Variants in DAPK3 observed in about 807,000 individuals in gnomAD.
DAPK3 encodes the protein death-associated protein kinase 3.
Under a neutral mutation model 30.6 loss-of-function variants are expected in DAPK3, and 24 were observed. The observed-to-expected ratio is 0.78, with a 90% CI of 0.57 to 1.10. DAPK3 has a LOEUF of 1.10. DAPK3 is among the 50% of genes least tolerant of loss of function. The pLI is 0.00. For synonymous variants in DAPK3, 341 were observed against 284.0 expected (o/e 1.20, Z -2.02); for missense variants, 629 against 657.3 (o/e 0.96, Z 0.47).
chr19:3,963,585 G>A, intron 6 of DAPK3, 58 bp downstream of exon 6: 1 of 1,172,146 alleles, frequency 8.5e-7, no homozygotes, highest in East Asian at 2.6e-5. Flanking sequence ...GACACACGGA[G>A]CCGGGGACCC....
At position 3,959,509 on chromosome 19, in the gene DAPK3, G is replaced by A. The variant is rs568467540; in HGVS notation, c.957C>T (p.Tyr319=). ...SHSSLPPNNS[Y]ADFERFSKVL... is the part of the protein sequence containing the mutation. ...CCTTGGAGAAGCGCTCGAAGTCGGC[G>A]TAGCTGTTGTTGGGCGGCAAGCTGG... The change falls in exon 9 of 9, where the codon TAC becomes TAT. Residue 319 remains tyrosine, a synonymous_variant. Transcript: ENST00000545797. The A allele has an allele frequency of 8.9e-6, 14 of 1,564,760 alleles. 1 individual carries two copies. In the South Asian group the frequency reaches 1.4e-4, roughly 16 times the overall value.
chr19:3,967,327 C>G (rs989842507), intron 2 of DAPK3, among the ~76,000 whole-genome samples: 1 of 152,120 alleles, frequency 6.6e-6, no homozygotes, highest in African/African-American at 2.4e-5. Flanking sequence ...TGGCAGGCAT[C>G]TATAATCCCA....
At chr19:3,967,428 G>A (rs778669993) in intron 2 of DAPK3, among the ~76,000 whole-genome samples, 47 of 150,748 alleles carry the variant, frequency 3.1e-4, no homozygotes, top group Admixed American at 2.8e-3. Flanking sequence ...ACTCCAGCCC[G>A]GGCGACACTG....
At chr19:3,961,268 A>C in intron 6 of DAPK3, 107 bp from the exon 7 acceptor site, 2 of 919,958 alleles carry the variant, frequency 2.2e-6, no homozygotes, top group East Asian at 2.5e-5. Context: ...GGCTGACGGC[A>C]GGTGCCTGGG....
intron 6 of DAPK3, chr19:3,961,763 G>A: frequency 3.1e-6 from 1 of 323,960 alleles, no homozygotes; most frequent in Admixed American, 3.8e-5. Context: ...CCTCAGACTG[G>A]AGGCGGCGAA....
chr19:3,962,595 G>T (rs2039529350), intron 6 of DAPK3, among the ~76,000 whole-genome samples: 1 of 152,130 alleles, frequency 6.6e-6, no homozygotes, highest in South Asian at 2.1e-4. Context: ...GACCGAAATG[G>T]TGAAACATCG....
At position 3,961,102 on chromosome 19, in the gene DAPK3, G is replaced by C; in HGVS notation, c.689C>G (p.Ser230Ter). 3 of 1,613,662 alleles carry C rather than the reference G, an allele frequency of 1.9e-6. No homozygotes were observed. The highest frequency in any genetic ancestry group is 2.5e-6 in the Non-Finnish European group (3 of 1,179,846). ...CTCGTCGAAGTCGTAGTTCACGGCTGAGATGTTGGTGAGCGTCTCCTGCTT... is the reference window on the plus strand; with the variant it reads ...CTCGTCGAAGTCGTAGTTCACGGCTCAGATGTTGGTGAGCGTCTCCTGCTT... ...ETKQETLTNI[S>*]AVNYDFDEEY... The change falls in exon 7 of 9, where the codon TCA (serine) becomes TGA (stop). Residue 230 changes from serine to a stop codon, truncating the protein, a stop_gained. Transcript: ENST00000545797. LOFTEE classifies it high-confidence loss of function.
Position 3,959,411 on chromosome 19 carries a change from T to C in DAPK3, c.1055A>G (p.Asp352Gly). 1 of 1,561,636 alleles carries C rather than the reference T, an allele frequency of 6.4e-7. No individual in the cohort carries two copies. The highest frequency in any genetic ancestry group is 8.6e-7 in the Non-Finnish European group (1 of 1,160,910). The change falls in exon 9 of 9, where the codon GAC (aspartate) becomes GGC (glycine). Residue 352 changes from aspartate (D) to glycine (G), a missense_variant. Asp to Gly is a moderately conservative substitution (Grantham distance 94). This residue lies in a region of DAPK3 where 323 missense variants were observed against 278.8 expected (regional missense o/e 1.16). Transcript: ENST00000545797. Reference sequence around the variant, plus strand: ...GTAGATGGCGGCCAGCGCCTCCACGTCCTCGTGGCAGAGCCGCCGGCTGCG... The same window carrying C: ...GTAGATGGCGGCCAGCGCCTCCACGCCCTCGTGGCAGAGCCGCCGGCTGCG... ...LQRSRRLCHE[D>G]VEALAAIYEE...
At chr19:3,963,967 AG>A in intron 4 of DAPK3, 48 bp from the exon 5 acceptor site, 1 of 1,263,948 alleles carries the variant, frequency 7.9e-7, no homozygotes, top group Non-Finnish European at 1.1e-6. Context: ...ATGCTGGCCA[AG>A]GAAGAGGCTC....
At chr19:3,962,247 G>T (rs2039524489) in intron 6 of DAPK3, among the ~76,000 whole-genome samples, 1 of 152,264 alleles carries the variant, frequency 6.6e-6, no homozygotes, top group Non-Finnish European at 1.5e-5. Context: ...ACTGAAGGAG[G>T]AGGAAGCTGC....
chr19:3,962,839 G>A (rs2039533532), intron 6 of DAPK3, among the ~76,000 whole-genome samples: 1 of 146,052 alleles, frequency 6.8e-6, no homozygotes, highest in Non-Finnish European at 1.5e-5. Context: ...AGCGGCCCAC[G>A]CCTGTAATCC....
chr19:3,959,007 G>T lies in DAPK3; in HGVS notation c.*94C>A. ...GCCTGGTGGCGCTGGGCAAGGACAG[G>T]CACCCGGGCGATGGGAGGCGCAGCG... On this transcript the variant is annotated 3_prime_UTR_variant, in exon 9 of 9. Coordinates refer to ENST00000545797, the MANE Select transcript of DAPK3 (RefSeq NM_001348.3). The T allele has an allele frequency of 1.2e-6, 1 of 809,930 alleles. No homozygotes were observed. The highest frequency in any genetic ancestry group is 1.9e-6 in the Non-Finnish European group (1 of 536,910). The allele number at this position is 809,930 out of a possible 1,614,324, so 50.2% of individuals were successfully genotyped here.
chr19:3,960,037 G>A (rs1443089490), intron 8 of DAPK3, 22 bp downstream of exon 8: 6 of 1,395,778 alleles, frequency 4.3e-6, no homozygotes, highest in Admixed American at 3.4e-5. Flanking sequence ...AGCCCAGGGA[G>A]CTCCCCCACC....
chr19:3,960,893 G>A, intron 7 of DAPK3, 116 bp downstream of exon 7: 2 of 1,102,192 alleles, frequency 1.8e-6, no homozygotes, highest in South Asian at 1.4e-5. Context: ...GGTAAGCAAT[G>A]TCTGATCCCC....
At chr19:3,960,803 C>CAAAA (rs34304441) in intron 7 of DAPK3, among the ~76,000 whole-genome samples, 2 of 94,014 alleles carry the variant, frequency 2.1e-5, no homozygotes, top group South Asian at 4.0e-4. Context: ...GACTCCGTCT[C>CAAAA]AAAAAAAAAA....
Position 3,964,424 on chromosome 19 carries a change from A to G in DAPK3, c.424-51T>C, listed in dbSNP as rs774545431. Reference sequence around the variant, plus strand: ...GAAAGCACGGGCCTCCCCCACCCTCACCCCCACGCTCCCCAAACCTCACCC... The same window carrying G: ...GAAAGCACGGGCCTCCCCCACCCTCGCCCCCACGCTCCCCAAACCTCACCC... On this transcript the variant is annotated intron_variant, in intron 3 of 8. Transcript: ENST00000545797. The G allele has an allele frequency of 2.8e-5, 28 of 1,002,570 alleles. No individual in the cohort carries two copies. The African/African-American group carries it at 7.4e-4, about 27-fold the overall frequency. The allele number at this position is 1,002,570 out of a possible 1,614,324, so 62.1% of individuals were successfully genotyped here.
In DAPK3 at chr19:3,964,649, G is replaced by A. The variant is rs144975421; in HGVS notation, c.405C>T (p.Ile135=). 330 of 1,610,334 alleles carry A rather than the reference G, an allele frequency of 2.0e-4. No individual in the cohort carries two copies. The highest frequency in any genetic ancestry group is 2.6e-4 in the Non-Finnish European group (306 of 1,178,870). The part of the protein sequence containing the change: ...DGVHYLHSKR[I]AHFDLKPENI... Reference sequence around the variant, plus strand: ...GGCTCACCTTCAGGTCAAAGTGTGCGATGCGCTTAGAGTGCAGGTAGTGAA... The same window carrying A: ...GGCTCACCTTCAGGTCAAAGTGTGCAATGCGCTTAGAGTGCAGGTAGTGAA... The change falls in exon 3 of 9, where the codon ATC becomes ATT. Residue 135 remains isoleucine, a synonymous_variant. Coordinates refer to ENST00000545797, the MANE Select transcript of DAPK3 (RefSeq NM_001348.3).
At chr19:3,962,095 G>C (rs1179882370) in intron 6 of DAPK3, among the ~76,000 whole-genome samples, 6 of 152,152 alleles carry the variant, frequency 3.9e-5, no homozygotes, top group African/African-American at 1.4e-4. Flanking sequence ...CTGACCTCGT[G>C]ATCTGCCCTC....
intron 2 of DAPK3, among the ~76,000 whole-genome samples, chr19:3,966,405 GC>G (rs1233078812): frequency 6.6e-6 from 1 of 152,190 alleles, no homozygotes; most frequent in Non-Finnish European, 1.5e-5. Context: ...AGAAAACCAC[GC>G]CTTCCAGCCC....
Sources: gnomAD v4.1 joint callset for allele counts (sites outside exome capture counted in the v4.1 genomes callset) on GRCh38, gnomAD v4.1.1 for gene constraint, gnomAD v4.1.1 regional missense constraint, MANE v1.5 for transcripts, NCBI Gene and HGNC (gene_info 2026-07-23, HGNC 2026-07-21) for gene names.